DDHD1: variants seen among roughly 807,000 people sequenced by gnomAD.
DDHD1 encodes the protein DDHD domain containing 1.
DDHD1 carries 49 observed loss-of-function variants against 96.4 expected under a neutral mutation model. The ratio of observed to expected loss-of-function variants is 0.51; its 90% CI spans 0.40 to 0.64. DDHD1 has a LOEUF of 0.64. Among genes scored for constraint, DDHD1 ranks in the 30% least tolerant of loss-of-function variants. The pLI is 0.00. For synonymous variants in DDHD1, 442 were observed against 446.5 expected (o/e 0.99, Z 0.13); for missense variants, 1,106 against 1,161.2 (o/e 0.95, Z 0.69).
At position 53,153,255 on chromosome 14, in the gene DDHD1, C is replaced by T. The variant is rs998669824; in HGVS notation, c.-157G>A. The T allele has an allele frequency of 8.4e-6, 5 of 594,282 alleles. No individual in the cohort carries two copies. The highest frequency in any genetic ancestry group is 8.8e-5 in the Admixed American group (2 of 22,802). The allele number at this position is 594,282 out of a possible 1,614,324, so 36.8% of individuals were successfully genotyped here. A position where few individuals can be genotyped will look rare whatever the true frequency, so the allele number is the denominator to read the frequency against. Reference sequence around the variant, plus strand: ...GGCAGCGGCGACCGCTCCGCCCCCACGAGACCCGCAGCCGCCGCAGCTGCG... The same window carrying T: ...GGCAGCGGCGACCGCTCCGCCCCCATGAGACCCGCAGCCGCCGCAGCTGCG... On this transcript the variant is annotated 5_prime_UTR_variant, in exon 1 of 13. In the 5' UTR this introduces an upstream ATG that the reference lacks. Transcript: ENST00000673822.
chr14:53,098,989 G>A (rs1462185110), intron 2 of DDHD1, among the ~76,000 whole-genome samples: 1 of 151,876 alleles, frequency 6.6e-6, no homozygotes, highest in Non-Finnish European at 1.5e-5. Context: ...TATATTTGTT[G>A]TTATTGATAT....
chr14:53,103,044 C>G (rs1887426976), intron 2 of DDHD1: 3 of 1,568,538 alleles, frequency 1.9e-6, no homozygotes, highest in Non-Finnish European at 2.6e-6. Flanking sequence ...AATAGTTGAT[C>G]CCACTGCCTG....
intron 1 of DDHD1, among the ~76,000 whole-genome samples, chr14:53,145,131 C>T (rs530217229): frequency 5.3e-5 from 8 of 152,088 alleles, no homozygotes; most frequent in South Asian, 2.1e-4. Context: ...GCCTGGACAA[C>T]GGAGGGAGAC....
chr14:53,078,115 T>C (rs79831893), intron 4 of DDHD1, among the ~76,000 whole-genome samples: 1,535 of 152,292 alleles, frequency 0.01, 31 homozygotes, highest in African/African-American at 0.035. Flanking sequence ...TTTGTGGACA[T>C]ACATTTTCAG....
chr14:53,068,779 A>T (rs1213264348), intron 6 of DDHD1, among the ~76,000 whole-genome samples: 59 of 152,232 alleles, frequency 3.9e-4, no homozygotes, highest in Admixed American at 2.9e-3. Context: ...TTCTTAAACG[A>T]ATTATCAGTT....
At chr14:53,052,732 GTATAATA>G (rs1311790283) in intron 11 of DDHD1, 3 of 151,846 alleles carry the variant, frequency 2.0e-5, no homozygotes, top group Non-Finnish European at 4.4e-5. Flanking sequence ...TGTGTAATAT[GTATAATA>G]TATAAGTATG....
intron 1 of DDHD1, among the ~76,000 whole-genome samples, chr14:53,134,742 C>T (rs1890107739): frequency 6.6e-6 from 1 of 152,098 alleles, no homozygotes; most frequent in Non-Finnish European, 1.5e-5. Flanking sequence ...ATGCTGAACC[C>T]CCTTGGGCAC....
rs1355322915 is a variant in DDHD1, at chr14:53,043,600, G to C, written c.*3168C>G. On this transcript the variant is annotated 3_prime_UTR_variant, in exon 13 of 13. Coordinates refer to ENST00000673822, the MANE Select transcript of DDHD1 (RefSeq NM_001160148.2). ...CTGCCAACACACCCAGCTAATCTTT[G>C]CATTTTTTGTAGAGTCTGGGTTTCA... is the stretch of plus-strand genomic sequence containing the variant. 1.3e-5 allele frequency: 2 copies of C among 152,074 alleles called. No individual in the cohort carries two copies. The highest frequency in any genetic ancestry group is 2.4e-5 in the African/African-American group (1 of 41,398). 9.4% of individuals were successfully genotyped at this position (152,074 alleles called of 1,614,324 possible). A position where few individuals can be genotyped will look rare whatever the true frequency, so the allele number is the denominator to read the frequency against.
chr14:53,143,738 C>T (rs1052277556), intron 1 of DDHD1, among the ~76,000 whole-genome samples: 43 of 152,176 alleles, frequency 2.8e-4, no homozygotes, highest in East Asian at 1.9e-3. Context: ...TATAAGCATG[C>T]GAGGGCAAAT....
chr14:53,129,684 G>A (rs963047652), intron 1 of DDHD1, among the ~76,000 whole-genome samples: 2 of 152,004 alleles, frequency 1.3e-5, no homozygotes, highest in African/African-American at 4.8e-5. Flanking sequence ...TTCACTATGG[G>A]CAATCTTTCA....
chr14:53,141,889 C>G (rs564559792), intron 1 of DDHD1, among the ~76,000 whole-genome samples: 3 of 152,138 alleles, frequency 2.0e-5, no homozygotes, highest in African/African-American at 7.2e-5. Flanking sequence ...AAGCTTTCCA[C>G]CCTTCCCCCC....
At chr14:53,095,712 A>C (rs963201052) in intron 2 of DDHD1, among the ~76,000 whole-genome samples, 1 of 152,184 alleles carries the variant, frequency 6.6e-6, no homozygotes, top group African/African-American at 2.4e-5. Flanking sequence ...AGGGTTTAAC[A>C]ATCACTTTTC....
At chr14:53,116,724 G>C (rs1283306532) in intron 1 of DDHD1, among the ~76,000 whole-genome samples, 1 of 152,192 alleles carries the variant, frequency 6.6e-6, no homozygotes. Flanking sequence ...AGCTAAAGCG[G>C]TGTTAAGATG....
intron 1 of DDHD1, among the ~76,000 whole-genome samples, chr14:53,125,409 A>G (rs1889352578): frequency 6.6e-6 from 1 of 152,222 alleles, no homozygotes; most frequent in African/African-American, 2.4e-5. Context: ...ATATGGAAGA[A>G]AAACCTTGCT....
At chr14:53,077,286 T>C (rs1373666444) in intron 4 of DDHD1, among the ~76,000 whole-genome samples, 1 of 152,178 alleles carries the variant, frequency 6.6e-6, no homozygotes, top group Non-Finnish European at 1.5e-5. Context: ...AATCCATTAG[T>C]TTATCATGGT....
intron 6 of DDHD1, among the ~76,000 whole-genome samples, chr14:53,069,680 T>A (rs144532945): frequency 2.4e-4 from 37 of 152,326 alleles, no homozygotes; most frequent in African/African-American, 8.7e-4. Context: ...CCTACATATA[T>A]AAGTAATACT....
chr14:53,090,555 T>A (rs1175910638), intron 4 of DDHD1, among the ~76,000 whole-genome samples: 1 of 152,170 alleles, frequency 6.6e-6, no homozygotes, highest in Admixed American at 6.5e-5. Context: ...TAAAAAAGGA[T>A]GAGTTCATGT....
intron 1 of DDHD1, among the ~76,000 whole-genome samples, chr14:53,112,050 C>T (rs1049643435): frequency 1.3e-5 from 2 of 152,094 alleles, no homozygotes; most frequent in Non-Finnish European, 2.9e-5. Context: ...ACAGAGTAGA[C>T]GTTAAACATT....
chr14:53,082,186 C>A (rs1349821706), intron 4 of DDHD1, among the ~76,000 whole-genome samples: 1 of 152,090 alleles, frequency 6.6e-6, no homozygotes, highest in East Asian at 1.9e-4. Flanking sequence ...AAGCTTATTT[C>A]AATTTCCATG....
Sources: gnomAD v4.1 joint callset for allele counts (sites outside exome capture counted in the v4.1 genomes callset) on GRCh38, gnomAD v4.1.1 for gene constraint, MANE v1.5 for transcripts, NCBI Gene and HGNC (gene_info 2026-07-23, HGNC 2026-07-21) for gene names.